The following ARHGAP12 variants were observed in gnomAD, a reference collection of about 807,000 sequenced individuals.
ARHGAP12 encodes the protein rho GTPase-activating protein 12.
A neutral mutation model predicts 108.6 loss-of-function variants in ARHGAP12; 64 were observed. That is an observed-to-expected ratio of 0.59 (90% confidence interval 0.48 to 0.73). The LOEUF (loss-of-function observed/expected upper bound fraction) is 0.73, where lower values mean the gene tolerates loss of function less well. Ranked by LOEUF, ARHGAP12 falls within the 30% of genes least tolerant of loss-of-function variation. The pLI is 0.00. For missense variants in ARHGAP12, 940 were observed against 1,005.9 expected, an observed-to-expected ratio of 0.93 and a Z score of 0.89; for synonymous variants, 312 against 337.2, an observed-to-expected ratio of 0.93 and a Z score of 0.82.
chr10:31,829,505 C>T (rs952393944), intron 10 of ARHGAP12, among the ~76,000 whole-genome samples: 3 of 152,096 alleles, frequency 2.0e-5, no homozygotes, highest in Admixed American at 6.5e-5. Context: ...AAAATTGAAG[C>T]TTTCAAACAG....
chr10:31,805,511 A>G lies in ARHGAP12; in HGVS notation c.*2147T>C, dbSNP rs1245656021. The G allele has an allele frequency of 6.6e-6, 1 of 152,230 alleles. No homozygotes were observed. The highest frequency in any genetic ancestry group is 1.5e-5 in the Non-Finnish European group (1 of 68,034). The allele number at this position is 152,230 out of a possible 1,614,324, so 9.4% of individuals were successfully genotyped here. On this transcript the variant is annotated 3_prime_UTR_variant, in exon 20 of 20. Coordinates refer to ENST00000344936, the MANE Select transcript of ARHGAP12 (RefSeq NM_018287.7). ...AAAACCAAGCTGTCAAGACAGGAAA[A>G]TATTACTAGCTTTGTTATTACAAAA...
intron 3 of ARHGAP12, among the ~76,000 whole-genome samples, chr10:31,875,424 T>C (rs912180524): frequency 6.6e-6 from 1 of 152,214 alleles, no homozygotes; most frequent in Non-Finnish European, 1.5e-5. Flanking sequence ...CTTAGAATTA[T>C]AATTCTCATA....
rs561829277 is a variant in ARHGAP12, at chr10:31,881,219, G to A, written c.685-19561C>T. Among the ~76,000 whole-genome samples the A allele has an allele frequency of 8.2e-4, 124 of 150,758 alleles. 2 individuals are homozygous for A. Among genetic ancestry groups the A allele is most frequent in the South Asian group, 3.6e-3 (17 of 4,764 alleles). On this transcript the variant is annotated intron_variant, in intron 3 of 19. Coordinates refer to ENST00000344936, the MANE Select transcript of ARHGAP12 (RefSeq NM_018287.7). The stretch of plus-strand genomic sequence containing the variant: ...CATCAGAATATTAAAAGTGACAAAG[G>A]ACTAACCATCAAATATAATATACAT...
intron 3 of ARHGAP12, among the ~76,000 whole-genome samples, chr10:31,891,349 A>T (rs557630697): frequency 2.6e-5 from 4 of 152,300 alleles, no homozygotes; most frequent in East Asian, 1.9e-4. Context: ...AAGCTTAGTT[A>T]GGCTGGATAT....
At chr10:31,820,268 A>G (rs1202121250) in intron 12 of ARHGAP12, 119 bp downstream of exon 12, 1 of 667,038 alleles carries the variant, frequency 1.5e-6, no homozygotes, top group Non-Finnish European at 2.3e-6. Flanking sequence ...CATCTAACTT[A>G]ATCACCAACT....
At chr10:31,924,407 A>G (rs1023265169) in intron 1 of ARHGAP12, among the ~76,000 whole-genome samples, 2 of 152,206 alleles carry the variant, frequency 1.3e-5, no homozygotes, top group African/African-American at 4.8e-5. Context: ...GCACTTAGAT[A>G]TAAAGCATGA....
chr10:31,834,946 A>G (rs1417233822), intron 9 of ARHGAP12, among the ~76,000 whole-genome samples: 2 of 152,200 alleles, frequency 1.3e-5, no homozygotes, highest in African/African-American at 4.8e-5. Flanking sequence ...CACGCCTGTA[A>G]TCTCAGCACT....
chr10:31,903,885 A>G (rs553434413), intron 3 of ARHGAP12, among the ~76,000 whole-genome samples: 1 of 152,360 alleles, frequency 6.6e-6, no homozygotes, highest in Admixed American at 6.5e-5. Context: ...TACCCATTAG[A>G]GAAATGCACA....
chr10:31,920,588 T>C (rs1043192875), intron 1 of ARHGAP12, among the ~76,000 whole-genome samples: 13 of 152,010 alleles, frequency 8.6e-5, no homozygotes, highest in Admixed American at 2.6e-4. Flanking sequence ...TTTATTCAAA[T>C]TGATTTTAAC....
At chr10:31,878,365 C>T (rs552289643) in intron 3 of ARHGAP12, among the ~76,000 whole-genome samples, 1 of 152,324 alleles carries the variant, frequency 6.6e-6, no homozygotes, top group South Asian at 2.1e-4. Flanking sequence ...CATAATTTCA[C>T]ACTAAAACTC....
Position 31,908,417 on chromosome 10 carries a change from T to C in ARHGAP12, c.439A>G (p.Asn147Asp). 6.2e-7 allele frequency: 1 copy of C among 1,614,208 alleles called. No homozygotes were observed. The highest frequency in any genetic ancestry group is 1.3e-5 in the African/African-American group (1 of 75,048). The change falls in exon 3 of 20, where the codon AAC becomes GAC. Residue 147 changes from asparagine (N) to aspartate (D), a missense_variant. Coordinates refer to ENST00000344936, the MANE Select transcript of ARHGAP12 (RefSeq NM_018287.7). ...GPSYNQGQTV[N>D]LSLDLTHNNG... ...TTATGGGTCAGGTCCAGGCTTAGGT[T>C]GACAGTCTGACCTTGATTATAACTG...
chr10:31,846,816 C>T lies in ARHGAP12; in HGVS notation c.1171-3230G>A, dbSNP rs1440687124. ...CTTCAAAGTATCTTTCTGCCTCACA[C>T]TCTTTCCTTTCTCCTTCTGGAACTC... On this transcript the variant is annotated intron_variant, in intron 6 of 19. Coordinates refer to ENST00000344936, the MANE Select transcript of ARHGAP12 (RefSeq NM_018287.7). Among the ~76,000 whole-genome samples, 6 of 151,770 alleles carry T rather than the reference C, an allele frequency of 4.0e-5. No individual in the cohort carries two copies. In the East Asian group the frequency reaches 9.7e-4, roughly 25 times the overall value.
intron 19 of ARHGAP12, 95 bp downstream of exon 19, chr10:31,808,553 TG>T: frequency 9.7e-7 from 1 of 1,031,794 alleles, no homozygotes; most frequent in Non-Finnish European, 1.5e-6. Flanking sequence ...GTAGCATAGC[TG>T]GGATCCAAAT....
intron 11 of ARHGAP12, among the ~76,000 whole-genome samples, chr10:31,822,922 A>C (rs930946765): frequency 6.6e-6 from 1 of 152,196 alleles, no homozygotes; most frequent in African/African-American, 2.4e-5. Flanking sequence ...CGCAAAGGAC[A>C]GCCCCACCGA....
chr10:31,829,473 G>A (rs1359049122), intron 10 of ARHGAP12, among the ~76,000 whole-genome samples: 2 of 152,136 alleles, frequency 1.3e-5, no homozygotes, highest in Non-Finnish European at 2.9e-5. Flanking sequence ...GCAAACTTAT[G>A]TATTTTTTTA....
At chr10:31,858,704 A>T (rs1308559132) in intron 4 of ARHGAP12, among the ~76,000 whole-genome samples, 2 of 152,170 alleles carry the variant, frequency 1.3e-5, no homozygotes, top group Non-Finnish European at 2.9e-5. Context: ...AACCACTAAA[A>T]TAATAAGCTT....
At chr10:31,880,622 A>G (rs1592327803) in intron 3 of ARHGAP12, among the ~76,000 whole-genome samples, 1 of 152,352 alleles carries the variant, frequency 6.6e-6, no homozygotes, top group Non-Finnish European at 1.5e-5. Context: ...TTCATGTAAT[A>G]TAACTAAATG....
chr10:31,837,121 T>A (rs1432376571), intron 9 of ARHGAP12, among the ~76,000 whole-genome samples: 1 of 152,206 alleles, frequency 6.6e-6, no homozygotes, highest in African/African-American at 2.4e-5. Context: ...TTAAAAACTT[T>A]GCTTCTAGGA....
intron 3 of ARHGAP12, 54 bp from the exon 4 acceptor site, chr10:31,861,712 C>A (rs1564396413): frequency 3.3e-6 from 5 of 1,493,338 alleles, no homozygotes; most frequent in South Asian, 1.4e-5. Flanking sequence ...ACATTTAAGT[C>A]AAAATTAAAT....
Sources: allele counts gnomAD v4.1 joint callset (sites outside exome capture counted in the v4.1 genomes callset), GRCh38; gene constraint gnomAD v4.1.1; transcripts MANE v1.5; gene names NCBI Gene and HGNC (gene_info 2026-07-23, HGNC 2026-07-21).